The following DGCR2 variants were observed in gnomAD, a reference collection of about 807,000 sequenced individuals.
The protein encoded by DGCR2 is DiGeorge syndrome critical region gene 2, also known as integral membrane protein DGCR2/IDD.
A neutral mutation model predicts 51.6 loss-of-function variants in DGCR2; 24 were observed. That is an observed-to-expected ratio of 0.47 (90% confidence interval 0.34 to 0.65). The LOEUF is 0.65. Ranked by LOEUF, DGCR2 falls within the 30% of genes least tolerant of loss-of-function variation. DGCR2 has a pLI of 0.01. For missense variants in DGCR2, 765 were observed against 772.1 expected (o/e 0.99, Z 0.11); for synonymous variants, 340 against 315.4 (o/e 1.08, Z -0.82).
In DGCR2 at chr22:19,037,707, A is replaced by T. The variant is rs2082385762; in HGVS notation, c.*1158T>A. The T allele has an allele frequency of 6.6e-6, 1 of 152,316 alleles. No homozygotes were observed. The highest frequency in any genetic ancestry group is 2.1e-4 in the South Asian group (1 of 4,830). The allele number at this position is 152,316 out of a possible 1,614,324, so 9.4% of individuals were successfully genotyped here. ...ACCCGCTTAATCTCCAAACCTCAGAAATGTTAAAGGCCCTGTGTCAGGCAA... is the reference window on the plus strand; with the variant it reads ...ACCCGCTTAATCTCCAAACCTCAGATATGTTAAAGGCCCTGTGTCAGGCAA... On this transcript the variant is annotated 3_prime_UTR_variant, in exon 10 of 10. Coordinates refer to ENST00000263196, the MANE Select transcript of DGCR2 (RefSeq NM_005137.3).
intron 2 of DGCR2, among the ~76,000 whole-genome samples, chr22:19,087,631 G>A (rs766936450): frequency 4.0e-5 from 6 of 150,700 alleles, no homozygotes; most frequent in Admixed American, 1.3e-4. Flanking sequence ...TGCCTGCCTC[G>A]GCCTCCAAAA....
chr22:19,058,336 G>A (rs1042133869), intron 5 of DGCR2, among the ~76,000 whole-genome samples: 4 of 152,104 alleles, frequency 2.6e-5, no homozygotes, highest in African/African-American at 7.2e-5. Context: ...CCAGCATCTC[G>A]CCTGCCTCAT....
chr22:19,116,655 T>C (rs1373279031), intron 1 of DGCR2, among the ~76,000 whole-genome samples: 1 of 152,024 alleles, frequency 6.6e-6, no homozygotes, highest in South Asian at 2.1e-4. Context: ...GGAAAAGACA[T>C]CTAATCAGTC....
chr22:19,067,959 T>A (rs531825931), intron 3 of DGCR2, 141 bp downstream of exon 3: 7 of 1,221,072 alleles, frequency 5.7e-6, no homozygotes, highest in South Asian at 2.0e-5. Context: ...TGGGTCATCA[T>A]GCAGCCTCAT....
chr22:19,042,384 C>T (rs1482537680), intron 7 of DGCR2, among the ~76,000 whole-genome samples: 2 of 152,254 alleles, frequency 1.3e-5, no homozygotes, highest in African/African-American at 2.4e-5. Context: ...CTCCCACGTC[C>T]GTCCAACAGC....
chr22:19,058,120 G>C (rs1471453077), intron 5 of DGCR2, among the ~76,000 whole-genome samples: 1 of 151,304 alleles, frequency 6.6e-6, no homozygotes, highest in Non-Finnish European at 1.5e-5. Context: ...TTGGAGCTCT[G>C]TTTATACCCA....
At chr22:19,065,126 A>G (rs2082734011) in intron 3 of DGCR2, 59 bp from the exon 4 acceptor site, 1 of 1,450,254 alleles carries the variant, frequency 6.9e-7, no homozygotes. Context: ...AATGGAAATT[A>G]TATGTACTCC....
chr22:19,054,252 C>G (rs1376987923), intron 6 of DGCR2, among the ~76,000 whole-genome samples: 1 of 152,126 alleles, frequency 6.6e-6, no homozygotes, highest in Non-Finnish European at 1.5e-5. Flanking sequence ...TAATTAAGGT[C>G]CACAGTATCT....
chr22:19,060,194 C>T (rs1028004642), intron 5 of DGCR2, among the ~76,000 whole-genome samples: 1 of 152,254 alleles, frequency 6.6e-6, no homozygotes, highest in Admixed American at 6.5e-5. Flanking sequence ...CTAGGCCAGC[C>T]TGGCCCCTCC....
chr22:19,041,781 G>A, intron 8 of DGCR2, 26 bp downstream of exon 8: 1 of 1,606,360 alleles, frequency 6.2e-7, no homozygotes, highest in East Asian at 2.2e-5. Flanking sequence ...TGGGGACCAG[G>A]GTTGTGGCCC....
At chr22:19,063,086 T>TCCATGTG (rs111427599) in intron 5 of DGCR2, 116 bp downstream of exon 5, 4 of 934,696 alleles carry the variant, frequency 4.3e-6, no homozygotes, top group Non-Finnish European at 6.7e-6. Context: ...GCTCACCCAC[T>TCCATGTG]CCCTGCACAG....
At chr22:19,086,133 C>T (rs986476812) in intron 2 of DGCR2, among the ~76,000 whole-genome samples, 3 of 152,096 alleles carry the variant, frequency 2.0e-5, no homozygotes, top group Admixed American at 2.0e-4. Context: ...ATTCTTTGTA[C>T]ATTTTTATGA....
intron 1 of DGCR2, among the ~76,000 whole-genome samples, chr22:19,095,553 C>T (rs2146023764): frequency 6.7e-6 from 1 of 150,104 alleles, no homozygotes; most frequent in Middle Eastern, 3.5e-3. Context: ...CCCAGCTACT[C>T]GGGAGGCTGA....
At chr22:19,092,430 A>G (rs1442083207) in intron 1 of DGCR2, among the ~76,000 whole-genome samples, 2 of 152,238 alleles carry the variant, frequency 1.3e-5, no homozygotes, top group Non-Finnish European at 2.9e-5. Context: ...GGAGTGAAGA[A>G]TAAGGTAATA....
intron 1 of DGCR2, among the ~76,000 whole-genome samples, chr22:19,092,924 A>AGAAG (rs1436738784): frequency 6.6e-6 from 1 of 151,740 alleles, no homozygotes; most frequent in East Asian, 1.9e-4. Context: ...AAAGAAAGGA[A>AGAAG]GAAGGAAGGA....
In DGCR2 at chr22:19,084,190, G is replaced by A. The variant is rs530221133; in HGVS notation, c.202+5178C>T. Among the ~76,000 whole-genome samples, 5 of 151,920 alleles carry A rather than the reference G, an allele frequency of 3.3e-5. No individual in the cohort carries two copies. The South Asian group carries it at 1.0e-3, about 32-fold the overall frequency. On this transcript the variant is annotated intron_variant, in intron 2 of 9. Coordinates refer to ENST00000263196, the MANE Select transcript of DGCR2 (RefSeq NM_005137.3). ...CTCTGCCTGGCCGCCCGTCATCTGG[G>A]ATGTGAGGAGCCCCTCTGACCGGCC...
Position 19,046,737 on chromosome 22 carries a change from G to C in DGCR2, c.1006+1703C>G, listed in dbSNP as rs1257890881. 6.8e-6 allele frequency: 3 copies of C among 438,542 alleles called. No individual in the cohort carries two copies. The East Asian group carries it at 2.2e-4, about 31-fold the overall frequency. 27.2% of individuals were successfully genotyped at this position (438,542 alleles called of 1,614,324 possible). A position where few individuals can be genotyped will look rare whatever the true frequency, so the allele number is the denominator to read the frequency against. ...GCATGGCCACAGGGCAGGCAGAGCAGGGCCCAGCTAAGTCGCTCTGGCCGT... is the reference window on the plus strand; with the variant it reads ...GCATGGCCACAGGGCAGGCAGAGCACGGCCCAGCTAAGTCGCTCTGGCCGT... On this transcript the variant is annotated intron_variant, in intron 7 of 9. Transcript: ENST00000263196.
At chr22:19,097,505 TTGCACCAC>T (rs895002100) in intron 1 of DGCR2, among the ~76,000 whole-genome samples, 3 of 152,088 alleles carry the variant, frequency 2.0e-5, no homozygotes, top group African/African-American at 7.2e-5. Context: ...TAAGCTGAGA[TTGCACCAC>T]TGCACTCCAG....
chr22:19,120,697 C>T (rs2083422415), intron 1 of DGCR2, among the ~76,000 whole-genome samples: 1 of 152,212 alleles, frequency 6.6e-6, no homozygotes, highest in South Asian at 2.1e-4. Context: ...ATCTGCAAAA[C>T]TGGGACTCAA....
Sources: allele counts gnomAD v4.1 joint callset (sites outside exome capture counted in the v4.1 genomes callset), GRCh38; gene constraint gnomAD v4.1.1; transcripts MANE v1.5; gene names NCBI Gene and HGNC (gene_info 2026-07-23, HGNC 2026-07-21).